The following MYO19 variants were observed in gnomAD, a reference collection of about 807,000 sequenced individuals.
The protein encoded by MYO19 is unconventional myosin-XIX.
Under a neutral mutation model 129.2 loss-of-function variants are expected in MYO19, and 132 were observed. The observed-to-expected ratio is 1.02, with a 90% CI of 0.89 to 1.18. The LOEUF (loss-of-function observed/expected upper bound fraction) is 1.18. MYO19 is among the 50% of genes most tolerant of loss of function. MYO19 has a pLI of 0.00. For missense variants in MYO19, 1,210 were observed against 1,216.7 expected (o/e 0.99, Z 0.08); for synonymous variants, 531 against 477.2 (o/e 1.11, Z -1.47).
chr17:36,525,487 G>T (rs2142330864), intron 5 of MYO19, 146 bp from the exon 6 acceptor site: 1 of 641,588 alleles, frequency 1.6e-6, no homozygotes, highest in South Asian at 1.8e-5. Context: ...CACATTGTTA[G>T]GCCCAACTTT....
chr17:36,515,133 G>A lies in MYO19; in HGVS notation c.597C>T (p.Phe199=), dbSNP rs777508697. The change falls in exon 8 of 26, where the codon TTC becomes TTT. Residue 199 remains phenylalanine, a synonymous_variant. Transcript: ENST00000614623. The part of the protein sequence containing the change: ...RNNNSSRFGK[F]IQLQLNRAQQ... The stretch of plus-strand genomic sequence containing the variant: ...ATTACCTGTTCAGCTGGAGCTGGAT[G>A]AACTTCCCAAAGCGACTGCTGTTGT... 1.2e-6 allele frequency: 2 copies of A among 1,611,214 alleles called. No homozygotes were observed. Among genetic ancestry groups the A allele is most frequent in the Non-Finnish European group, 1.7e-6 (2 of 1,178,734 alleles).
chr17:36,500,603 C>T (rs1486507446), intron 23 of MYO19: 3 of 589,878 alleles, frequency 5.1e-6, no homozygotes, highest in Middle Eastern at 4.6e-4. Flanking sequence ...GCTTAGCCTC[C>T]ACTTCTTACA....
intron 13 of MYO19, chr17:36,509,454 AG>A: frequency 2.4e-6 from 1 of 424,932 alleles, no homozygotes; most frequent in Non-Finnish European, 4.3e-6. Flanking sequence ...AGACCCAGCT[AG>A]TGTCTTGGGA....
chr17:36,500,209 A>G (rs2071412202), intron 23 of MYO19: 1 of 152,236 alleles, frequency 6.6e-6, no homozygotes, highest in African/African-American at 2.4e-5. Context: ...CCTTAAAAGG[A>G]GGGCATCGCC....
At position 36,510,851 on chromosome 17, in the gene MYO19, A is replaced by T. The variant is rs199978039; in HGVS notation, c.1052T>A (p.Ile351Asn). 9.5e-4 allele frequency: 1,510 copies of T among 1,581,416 alleles called. 1 individual carries two copies. Among genetic ancestry groups the T allele is most frequent in the Non-Finnish European group, 1.1e-3 (1,284 of 1,163,592 alleles). Residue 351 changes from isoleucine to asparagine, a missense_variant, in exon 13 of 26, where the codon ATT (isoleucine) becomes AAT (asparagine). By Grantham distance (149) the Ile-to-Asn change is moderately radical (BLOSUM62 -3). Transcript: ENST00000614623. Reference protein sequence around the residue: ...PEDVLLEMVQIRTIRAGRQQQ... With the variant: ...PEDVLLEMVQNRTIRAGRQQQ... ...CTGTCTGCCTGCCCTGATGGTTCTA[A>T]TCTGCACCATCTCCAGCAGCACGTC... is the stretch of plus-strand genomic sequence containing the variant.
chr17:36,509,631 T>C (rs1392592964), intron 13 of MYO19: 2 of 177,964 alleles, frequency 1.1e-5, no homozygotes, highest in East Asian at 3.1e-4. Flanking sequence ...TCCTCCACTC[T>C]AGAACCGGCC....
At chr17:36,512,564 A>G (rs990375382) in intron 11 of MYO19, 5 of 1,203,682 alleles carry the variant, frequency 4.2e-6, no homozygotes, top group Non-Finnish European at 5.4e-6. Context: ...GCAGAGGGTC[A>G]TGCCCACCCC....
rs559368460 is a variant in MYO19 at position 36,500,853 on chromosome 17, C to T, written c.2354G>A (p.Arg785Gln). Reference sequence around the variant, plus strand: ...ACCTGCCTGGATGAGCATGACGGCCCGCCACTGCCGCTCCTGCTCTCGGTG... The same window carrying T: ...ACCTGCCTGGATGAGCATGACGGCCTGCCACTGCCGCTCCTGCTCTCGGTG... ...HRHREQERQW[R>Q]AVMLIQAAIR... The change falls in exon 23 of 26, where the codon CGG becomes CAG. Residue 785 changes from arginine to glutamine, a missense_variant. Arg to Gln is a conservative substitution (Grantham distance 43). Coordinates refer to ENST00000614623, the MANE Select transcript of MYO19 (RefSeq NM_001163735.2). 1.4e-5 allele frequency: 22 copies of T among 1,603,138 alleles called. No homozygotes were observed. The highest frequency in any genetic ancestry group is 3.3e-5 in the Admixed American group (2 of 59,742).
chr17:36,512,389 CAA>C (rs551345278), intron 11 of MYO19, among the ~76,000 whole-genome samples: 22 of 77,886 alleles, frequency 2.8e-4, no homozygotes, highest in Non-Finnish European at 3.9e-4. Flanking sequence ...AACTCCATCT[CAA>C]AAAAAAAAAA....
chr17:36,541,585 C>T (rs553792309), intron 2 of MYO19, among the ~76,000 whole-genome samples: 7 of 152,108 alleles, frequency 4.6e-5, no homozygotes, highest in Non-Finnish European at 8.8e-5. Context: ...ATTACAGCTC[C>T]GTCCCTCCAA....
intron 3 of MYO19, 46 bp from the exon 4 acceptor site, chr17:36,528,248 C>A (rs1216673783): frequency 6.5e-7 from 1 of 1,537,248 alleles, no homozygotes; most frequent in East Asian, 2.5e-5. Flanking sequence ...GTGGCTCATG[C>A]CTATAATCCC....
At chr17:36,507,309 G>A in intron 16 of MYO19, 90 bp downstream of exon 16, 1 of 1,424,552 alleles carries the variant, frequency 7.0e-7, no homozygotes, top group Non-Finnish European at 9.8e-7. Flanking sequence ...TGGGAGGAGA[G>A]AGGCACAGAG....
At position 36,496,423 on chromosome 17, in the gene MYO19, G is replaced by A. The variant is rs748987650; in HGVS notation, c.2758-17C>T. The A allele has an allele frequency of 2.2e-5, 36 of 1,613,368 alleles. 1 individual carries two copies. The South Asian group carries it at 4.0e-4, about 18-fold the overall frequency. ...TATCGATCCCTAGAGGGGAGAGAGAGATGCAGCTTTAGCACTAGTTCCTGG... is the reference window on the plus strand; with the variant it reads ...TATCGATCCCTAGAGGGGAGAGAGAAATGCAGCTTTAGCACTAGTTCCTGG... On this transcript the variant is annotated splice_polypyrimidine_tract_variant and intron_variant, in intron 25 of 25. Transcript: ENST00000614623.
upstream of MYO19, chr17:36,537,382 T>A (rs770634248): frequency 1.6e-5 from 26 of 1,613,922 alleles, no homozygotes; most frequent in African/African-American, 2.7e-5. Context: ...GCAGGGCTGT[T>A]GTATCAAATA....
intron 21 of MYO19, 160 bp from the exon 22 acceptor site, chr17:36,501,395 A>G (rs907343391): frequency 1.6e-5 from 12 of 742,512 alleles, no homozygotes; most frequent in Non-Finnish European, 2.1e-5. Flanking sequence ...GGAAGCCACA[A>G]ACAGCCTCTC....
intron 3 of MYO19, among the ~76,000 whole-genome samples, chr17:36,528,710 C>T (rs996715986): frequency 4.0e-5 from 6 of 151,848 alleles, no homozygotes; most frequent in African/African-American, 1.2e-4. Context: ...TTTGTTTATT[C>T]GTAAATAAAG....
At position 36,519,440 on chromosome 17, in the gene MYO19, G is replaced by A. The variant is rs543201531; in HGVS notation, c.415-3450C>T. On this transcript the variant is annotated intron_variant, in intron 6 of 25. Transcript: ENST00000614623. ...ATCCATTTAGTTTGAACTTATCCAC[G>A]AGTAGACCACTTATATTTATCGTAA... is the stretch of plus-strand genomic sequence containing the variant. Among the ~76,000 whole-genome samples, 696 of 152,080 alleles carry A rather than the reference G, an allele frequency of 4.6e-3. 1 individual carries two copies. Among genetic ancestry groups the A allele is most frequent in the Non-Finnish European group, 7.5e-3 (511 of 67,986 alleles).
Position 36,507,396 on chromosome 17 carries a change from C to T in MYO19, c.1467+3G>A, listed in dbSNP as rs2071987583. The T allele has an allele frequency of 6.2e-7, 1 of 1,611,042 alleles. No individual in the cohort carries two copies. The highest frequency in any genetic ancestry group is 1.3e-5 in the African/African-American group (1 of 74,892). ...TGCTCGGCTCATTAGCTGACCTCCC[C>T]ACCTCATTTATGAGGGAGCAGATGC... On this transcript the variant is annotated splice_donor_region_variant and intron_variant, in intron 16 of 25. Coordinates refer to ENST00000614623, the MANE Select transcript of MYO19 (RefSeq NM_001163735.2).
chr17:36,528,213 T>A lies in MYO19; in HGVS notation c.13-11A>T. The A allele has an allele frequency of 6.4e-7, 1 of 1,562,404 alleles. No homozygotes were observed. The highest frequency in any genetic ancestry group is 8.7e-7 in the Non-Finnish European group (1 of 1,152,828). ...ATTGTGGCCATTGACCTGGAAGAGA[T>A]AACGTGAAGGTGAGGCCAGGCACAG... On this transcript the variant is annotated splice_polypyrimidine_tract_variant and intron_variant, in intron 3 of 25. Coordinates refer to ENST00000614623, the MANE Select transcript of MYO19 (RefSeq NM_001163735.2).
Sources: allele counts gnomAD v4.1 joint callset (sites outside exome capture counted in the v4.1 genomes callset), GRCh38; gene constraint gnomAD v4.1.1; transcripts MANE v1.5; gene names NCBI Gene and HGNC (gene_info 2026-07-23, HGNC 2026-07-21).